DCTD: variants seen among roughly 807,000 people sequenced by gnomAD.
DCTD encodes the protein deoxycytidylate deaminase.
A neutral mutation model predicts 21.0 loss-of-function variants in DCTD; 23 were observed. The observed-to-expected ratio is 1.09, with a 90% CI of 0.79 to 1.55. The LOEUF is 1.55. Among genes scored for constraint, DCTD ranks in the 40% most tolerant of loss-of-function variants. The pLI is 0.00. For missense variants in DCTD, 224 were observed against 230.0 expected (o/e 0.97, Z 0.17); for synonymous variants, 71 against 81.1 (o/e 0.88, Z 0.67).
At position 182,915,533 on chromosome 4, in the gene DCTD, A is replaced by G. The variant is rs1199491604; in HGVS notation, c.36T>C (p.Tyr12=). The G allele has an allele frequency of 4.3e-6, 7 of 1,613,876 alleles. No homozygotes were observed. Among genetic ancestry groups the G allele is most frequent in the Non-Finnish European group, 5.1e-6 (6 of 1,179,730 alleles). Residue 12 remains tyrosine, a synonymous_variant, in exon 2 of 6, where the codon TAT becomes TAC. Coordinates refer to ENST00000438320, the MANE Select transcript of DCTD (RefSeq NM_001921.3). ...SEVSCKKRDD[Y]LEWPEYFMAV... ...CCATAAAATACTCTGGCCATTCCAAATAGTCGTCCCGTTTCTTGCAGGAAA... is the reference window on the plus strand; with the variant it reads ...CCATAAAATACTCTGGCCATTCCAAGTAGTCGTCCCGTTTCTTGCAGGAAA...
chr4:182,900,279 G>GTAC (rs1445674237), intron 3 of DCTD, among the ~76,000 whole-genome samples: 1 of 151,684 alleles, frequency 6.6e-6, no homozygotes, highest in Non-Finnish European at 1.5e-5. Flanking sequence ...TTGCACCACT[G>GTAC]TACTCCAGTC....
At chr4:182,892,524 G>A (rs1733957979) in intron 5 of DCTD, among the ~76,000 whole-genome samples, 1 of 152,112 alleles carries the variant, frequency 6.6e-6, no homozygotes, top group Non-Finnish European at 1.5e-5. Context: ...TGTGGCAGGG[G>A]AGGCTGAGGC....
intron 1 of DCTD, chr4:182,916,214 A>T: frequency 4.8e-6 from 1 of 206,780 alleles, no homozygotes; most frequent in Non-Finnish European, 8.5e-6. Context: ...CCGAGTAATG[A>T]ATTACATGAG....
intron 3 of DCTD, among the ~76,000 whole-genome samples, chr4:182,910,556 C>G (rs1353787835): frequency 6.6e-6 from 1 of 152,150 alleles, no homozygotes; most frequent in Non-Finnish European, 1.5e-5. Flanking sequence ...AAAATCTTCC[C>G]AAGTTTTTTA....
chr4:182,908,979 T>C (rs1737222793), intron 3 of DCTD, among the ~76,000 whole-genome samples: 1 of 152,200 alleles, frequency 6.6e-6, no homozygotes, highest in Non-Finnish European at 1.5e-5. Context: ...AGTCACTTTT[T>C]ATAGAAAGGA....
intron 3 of DCTD, among the ~76,000 whole-genome samples, chr4:182,899,487 T>G: frequency 6.6e-6 from 1 of 151,488 alleles, no homozygotes; most frequent in Non-Finnish European, 1.5e-5. Context: ...AACCTCTGCC[T>G]ACCAGTTTCA....
intron 3 of DCTD, among the ~76,000 whole-genome samples, chr4:182,910,903 T>G (rs1028576150): frequency 4.6e-5 from 7 of 152,186 alleles, no homozygotes; most frequent in African/African-American, 1.7e-4. Context: ...TGTGTTTCCC[T>G]CCTCCCCACA....
At chr4:182,895,142 T>C (rs1046695457) in intron 3 of DCTD, among the ~76,000 whole-genome samples, 3 of 152,142 alleles carry the variant, frequency 2.0e-5, no homozygotes, top group African/African-American at 7.2e-5. Context: ...CATGATCATA[T>C]CTCACTGCAG....
chr4:182,902,910 G>A (rs1736004730), intron 3 of DCTD, among the ~76,000 whole-genome samples: 1 of 152,218 alleles, frequency 6.6e-6, no homozygotes, highest in South Asian at 2.1e-4. Context: ...CTGCTCGCAG[G>A]TGCAAGGGGA....
intron 5 of DCTD, among the ~76,000 whole-genome samples, chr4:182,892,366 T>C (rs1203813562): frequency 6.6e-6 from 1 of 152,200 alleles, no homozygotes; most frequent in Non-Finnish European, 1.5e-5. Context: ...CAAATCTCAA[T>C]GCAAAATGTT....
At chr4:182,900,784 T>C (rs1026973807) in intron 3 of DCTD, among the ~76,000 whole-genome samples, 1 of 151,986 alleles carries the variant, frequency 6.6e-6, no homozygotes, top group Non-Finnish European at 1.5e-5. Context: ...AATATCAGAT[T>C]AATGCTTAGA....
chr4:182,914,670 A>G (rs1273031924), intron 3 of DCTD, among the ~76,000 whole-genome samples: 3 of 152,230 alleles, frequency 2.0e-5, no homozygotes, highest in African/African-American at 7.2e-5. Flanking sequence ...TTGCCAGTGA[A>G]GCCTGCCAGG....
chr4:182,905,348 T>A (rs927069609), intron 3 of DCTD, among the ~76,000 whole-genome samples: 5 of 138,390 alleles, frequency 3.6e-5, no homozygotes, highest in African/African-American at 1.1e-4. Context: ...TTTTTTTTTT[T>A]AGACAAAGTC....
intron 3 of DCTD, among the ~76,000 whole-genome samples, chr4:182,899,824 G>T (rs1486323949): frequency 6.6e-6 from 1 of 152,180 alleles, no homozygotes; most frequent in African/African-American, 2.4e-5. Context: ...CTTTTGGGTG[G>T]TCTGGGGCTT....
Position 182,917,212 on chromosome 4 carries a change from C to A in DCTD, c.-8+99G>T. 1.0e-6 allele frequency: 1 copy of A among 994,688 alleles called. No individual in the cohort carries two copies. Among genetic ancestry groups the A allele is most frequent in the South Asian group, 4.5e-5 (1 of 21,988 alleles). The allele number at this position is 994,688 out of a possible 1,614,324, so 61.6% of individuals were successfully genotyped here. Reference sequence around the variant, plus strand: ...AGCGTCCGCGGCCCCAGGCCCCCGCCCGGCAGCCAGCGCCCCGCGCCACGC... The same window carrying A: ...AGCGTCCGCGGCCCCAGGCCCCCGCACGGCAGCCAGCGCCCCGCGCCACGC... On this transcript the variant is annotated intron_variant, in intron 1 of 5. Transcript: ENST00000438320. The surrounding 1 kb of genome is among the most constrained non-coding windows in gnomAD (Gnocchi z 4.9).
intron 3 of DCTD, among the ~76,000 whole-genome samples, chr4:182,910,981 T>C (rs930840595): frequency 3.3e-5 from 5 of 152,212 alleles, no homozygotes; most frequent in African/African-American, 1.2e-4. Flanking sequence ...CTGTATGTTA[T>C]TTGGTAAACT....
intron 4 of DCTD, 42 bp downstream of exon 4, chr4:182,894,447 G>C (rs1250258308): frequency 8.5e-7 from 1 of 1,171,588 alleles, no homozygotes; most frequent in South Asian, 1.2e-5. Context: ...TGACGAGCAG[G>C]CAGCAATGCA....
intron 3 of DCTD, among the ~76,000 whole-genome samples, chr4:182,904,611 C>CCGCCCAACT (rs1475566930): frequency 2.0e-5 from 3 of 152,168 alleles, no homozygotes; most frequent in Non-Finnish European, 4.4e-5. Context: ...TGGGAAGCAA[C>CCGCCCAACT]CGCCCAACTC....
intron 3 of DCTD, among the ~76,000 whole-genome samples, chr4:182,908,164 G>A (rs1204662417): frequency 2.0e-5 from 3 of 151,910 alleles, no homozygotes; most frequent in African/African-American, 7.3e-5. Context: ...CTTTAATATA[G>A]CTGGTATTAA....
Sources: gnomAD v4.1 joint callset for allele counts (sites outside exome capture counted in the v4.1 genomes callset) on GRCh38, gnomAD v4.1.1 for gene constraint, Gnocchi (gnomAD v3.1) non-coding constraint, MANE v1.5 for transcripts, NCBI Gene and HGNC (gene_info 2026-07-23, HGNC 2026-07-21) for gene names.